INTS14: variants seen among roughly 807,000 people sequenced by gnomAD.
INTS14 encodes integrator complex subunit 14.
INTS14 carries 27 observed loss-of-function variants against 56.9 expected under a neutral mutation model. The observed-to-expected ratio is 0.47, with a 90% CI of 0.35 to 0.65. The LOEUF (loss-of-function observed/expected upper bound fraction) is 0.65. Ranked by LOEUF, INTS14 falls within the 30% of genes least tolerant of loss-of-function variation. The pLI is 0.00. For missense variants in INTS14, 517 were observed against 632.2 expected, an observed-to-expected ratio of 0.82 and a Z score of 1.95; for synonymous variants, 207 against 236.2, an observed-to-expected ratio of 0.88 and a Z score of 1.13.
intron 7 of INTS14, among the ~76,000 whole-genome samples, 155 bp downstream of exon 7, chr15:65,595,578 T>C (rs1476855671): frequency 6.6e-6 from 1 of 152,260 alleles, no homozygotes; most frequent in African/African-American, 2.4e-5. Flanking sequence ...AATTACTTTT[T>C]TGATATATTA....
At chr15:65,585,215 A>G (rs1249301954) in intron 9 of INTS14, among the ~76,000 whole-genome samples, 1 of 152,100 alleles carries the variant, frequency 6.6e-6, no homozygotes, top group Non-Finnish European at 1.5e-5. Context: ...ACACATATAT[A>G]TACTGCAATT....
At chr15:65,580,626 A>G (rs937760739) in intron 11 of INTS14, among the ~76,000 whole-genome samples, 1 of 152,230 alleles carries the variant, frequency 6.6e-6, no homozygotes, top group African/African-American at 2.4e-5. Flanking sequence ...AGGTAATGAG[A>G]TAACACCCAG....
chr15:65,601,009 A>G (rs1395458300), intron 3 of INTS14, among the ~76,000 whole-genome samples: 1 of 152,170 alleles, frequency 6.6e-6, no homozygotes, highest in Non-Finnish European at 1.5e-5. Context: ...ATGTGCTCCT[A>G]GGAAGTACCA....
intron 1 of INTS14, among the ~76,000 whole-genome samples, chr15:65,608,507 TAA>T (rs1476971113): frequency 6.6e-6 from 1 of 150,956 alleles, no homozygotes; most frequent in Non-Finnish European, 1.5e-5. Context: ...TGCTCAAAAA[TAA>T]AAAAGTTTAC....
At chr15:65,606,556 A>C (rs2073662474) in intron 2 of INTS14, among the ~76,000 whole-genome samples, 1 of 152,130 alleles carries the variant, frequency 6.6e-6, no homozygotes, top group Admixed American at 6.6e-5. Context: ...CACCTGGCCC[A>C]CAAACACTTC....
In INTS14 at chr15:65,597,022, C is replaced by T. The variant is rs187182402; in HGVS notation, c.749-1197G>A. 1.3e-4 allele frequency among the ~76,000 whole-genome samples: 20 copies of T among 152,266 alleles called. No homozygotes were observed. The East Asian group carries it at 3.9e-3, about 29-fold the overall frequency. On this transcript the variant is annotated intron_variant, in intron 6 of 11. Coordinates refer to ENST00000313182, the MANE Select transcript of INTS14 (RefSeq NM_001394796.1). ...AAAGCAGTTTAGCTGCAAGAAAGATCTTCCACTAAGAGTTTATATGGGAAA... is the reference window on the plus strand; with the variant it reads ...AAAGCAGTTTAGCTGCAAGAAAGATTTTCCACTAAGAGTTTATATGGGAAA...
chr15:65,606,040 G>A (rs1489480640), intron 2 of INTS14, among the ~76,000 whole-genome samples: 1 of 151,818 alleles, frequency 6.6e-6, no homozygotes, highest in East Asian at 1.9e-4. Context: ...CGGATCATGA[G>A]GTCAGGAGAT....
chr15:65,581,656 T>C (rs1261628254), intron 11 of INTS14, among the ~76,000 whole-genome samples: 3 of 145,456 alleles, frequency 2.1e-5, no homozygotes, highest in Admixed American at 1.4e-4. Context: ...CATATAGGAG[T>C]GATGAGGAGA....
intron 7 of INTS14, 132 bp downstream of exon 7, chr15:65,595,601 T>C (rs1232479406): frequency 1.5e-6 from 1 of 682,374 alleles, no homozygotes; most frequent in African/African-American, 1.9e-5. Context: ...CAATATTCCA[T>C]TTTCTAAAAT....
intron 7 of INTS14, among the ~76,000 whole-genome samples, chr15:65,595,303 T>C (rs770606761): frequency 6.6e-6 from 1 of 152,240 alleles, no homozygotes; most frequent in East Asian, 1.9e-4. Context: ...TTCAACAATA[T>C]TTACTGAGTT....
intron 8 of INTS14, among the ~76,000 whole-genome samples, chr15:65,592,776 AGAT>A (rs2073075293): frequency 2.0e-5 from 3 of 152,152 alleles, no homozygotes; most frequent in South Asian, 4.1e-4. Flanking sequence ...CTCATTTTAT[AGAT>A]GAGAAGTCTG....
intron 6 of INTS14, among the ~76,000 whole-genome samples, chr15:65,597,376 G>C (rs1355357188): frequency 6.6e-6 from 1 of 152,156 alleles, no homozygotes; most frequent in Non-Finnish European, 1.5e-5. Flanking sequence ...GGCTGTAATG[G>C]TGACTGAAAC....
intron 10 of INTS14, among the ~76,000 whole-genome samples, chr15:65,584,371 A>C (rs2072740938): frequency 6.6e-6 from 1 of 152,224 alleles, no homozygotes; most frequent in Admixed American, 6.5e-5. Context: ...TCACCATATA[A>C]AAAATTTCAC....
chr15:65,581,953 C>G lies in INTS14; in HGVS notation c.1305+1G>C. The G allele has an allele frequency of 6.2e-7, 1 of 1,612,992 alleles. No individual in the cohort carries two copies. ...GGCACATCCTCTTCTGTCTGTCTCACCTTATAGAATGTCTGTGTTTTTTCA... is the reference window on the plus strand; with the variant it reads ...GGCACATCCTCTTCTGTCTGTCTCAGCTTATAGAATGTCTGTGTTTTTTCA... On this transcript the variant is annotated splice_donor_variant, in intron 11 of 11. Transcript: ENST00000313182. LOFTEE classifies it high-confidence loss of function.
chr15:65,608,658 A>T (rs1235751616), intron 1 of INTS14, among the ~76,000 whole-genome samples: 1 of 152,254 alleles, frequency 6.6e-6, no homozygotes, highest in Non-Finnish European at 1.5e-5. Context: ...ATACTTATAG[A>T]AAGCATTAGT....
At chr15:65,603,838 A>G (rs1023339704) in intron 3 of INTS14, among the ~76,000 whole-genome samples, 1 of 152,220 alleles carries the variant, frequency 6.6e-6, no homozygotes, top group Non-Finnish European at 1.5e-5. Flanking sequence ...ATGCTATAAC[A>G]GCAGAGCTGA....
intron 3 of INTS14, among the ~76,000 whole-genome samples, chr15:65,603,086 T>C (rs897645352): frequency 1.3e-5 from 2 of 152,186 alleles, no homozygotes; most frequent in African/African-American, 4.8e-5. Context: ...TTCACTATAA[T>C]GTTAGGAAAT....
chr15:65,585,033 T>C (rs1482981421), intron 9 of INTS14, 145 bp from the exon 10 acceptor site: 4 of 681,550 alleles, frequency 5.9e-6, no homozygotes, highest in African/African-American at 3.7e-5. Flanking sequence ...TTCAGTCAGG[T>C]TGGAGAACCT....
intron 8 of INTS14, 47 bp downstream of exon 8, chr15:65,593,381 A>C (rs1430554321): frequency 1.3e-6 from 2 of 1,571,348 alleles, no homozygotes; most frequent in South Asian, 2.4e-5. Context: ...TCACTTTGTA[A>C]AATGATTTTC....
Sources: gnomAD v4.1 joint callset for allele counts (sites outside exome capture counted in the v4.1 genomes callset) on GRCh38, gnomAD v4.1.1 for gene constraint, MANE v1.5 for transcripts, NCBI Gene and HGNC (gene_info 2026-07-23, HGNC 2026-07-21) for gene names.